Variants in GLG1 observed in about 807,000 individuals in gnomAD.
GLG1 encodes Golgi apparatus protein 1.
GLG1 carries 38 observed loss-of-function variants against 160.5 expected under a neutral mutation model. The observed-to-expected ratio is 0.24, with a 90% CI of 0.18 to 0.31. The LOEUF (loss-of-function observed/expected upper bound fraction) is 0.31, where lower values mean the gene tolerates loss of function less well. GLG1 is among the 10% of genes least tolerant of loss of function. The pLI is 1.00. For synonymous variants in GLG1, 644 were observed against 543.4 expected, an observed-to-expected ratio of 1.19 and a Z score of -2.57; for missense variants, 1,373 against 1,505.2, an observed-to-expected ratio of 0.91 and a Z score of 1.45.
intron 1 of GLG1, among the ~76,000 whole-genome samples, chr16:74,567,773 T>C (rs1431113411): frequency 6.6e-6 from 1 of 151,496 alleles, no homozygotes; most frequent in East Asian, 1.9e-4. Context: ...TTTCACCTTG[T>C]TAGCCAGGAT....
intron 7 of GLG1, among the ~76,000 whole-genome samples, chr16:74,491,636 C>CTTT (rs57935114): frequency 1.7e-4 from 15 of 87,414 alleles, no homozygotes; most frequent in African/African-American, 5.6e-4. Context: ...ATGGGGAAAA[C>CTTT]TTTTTTTTTT....
chr16:74,508,700 C>T, intron 3 of GLG1, 139 bp downstream of exon 3: 1 of 578,288 alleles, frequency 1.7e-6, no homozygotes, highest in South Asian at 2.3e-5. Flanking sequence ...ATTACACCCC[C>T]CAACTTCCTA....
chr16:74,527,039 CA>C (rs2017357141), intron 2 of GLG1, among the ~76,000 whole-genome samples: 1 of 152,204 alleles, frequency 6.6e-6, no homozygotes, highest in African/African-American at 2.4e-5. Context: ...TTATGTGAAA[CA>C]AATCTGTATC....
chr16:74,566,297 A>G (rs2018653178), intron 1 of GLG1, among the ~76,000 whole-genome samples: 1 of 152,182 alleles, frequency 6.6e-6, no homozygotes, highest in Non-Finnish European at 1.5e-5. Flanking sequence ...AAGTATCTAC[A>G]TAAATTATTT....
At position 74,453,225 on chromosome 16, in the gene GLG1, A is replaced by G. The variant is rs1239232550; in HGVS notation, c.3482T>C (p.Ile1161Thr). 1 of 1,614,084 alleles carries G rather than the reference A, an allele frequency of 6.2e-7. No homozygotes were observed. Reference sequence around the variant, plus strand: ...GGTGATCCGTCCACACATCAGGCCAATCAGGAACAATATACAGATGCTCCC... The same window carrying G: ...GGTGATCCGTCCACACATCAGGCCAGTCAGGAACAATATACAGATGCTCCC... Reference protein sequence around the residue: ...ISGSICILFLIGLMCGRITKR... With the variant: ...ISGSICILFLTGLMCGRITKR... The change falls in exon 26 of 26, where the codon ATT (isoleucine) becomes ACT (threonine). Residue 1161 changes from isoleucine to threonine, a missense_variant. Around this residue, in one of 4 missense-constraint regions of GLG1, gnomAD observed 491 missense variants for 632.1 expected, o/e 0.78. Coordinates refer to ENST00000422840, the MANE Select transcript of GLG1 (RefSeq NM_001145667.2).
intron 1 of GLG1, among the ~76,000 whole-genome samples, chr16:74,538,251 C>T (rs2017739217): frequency 6.7e-6 from 1 of 150,228 alleles, no homozygotes; most frequent in South Asian, 2.2e-4. Context: ...CACGCGATAA[C>T]CTAATGCCTC....
Position 74,606,871 on chromosome 16 carries a change from T to TGCTGCTGAA in GLG1, c.215_223dup (p.Leu72_Gln74dup). 1 of 1,600,686 alleles carries TGCTGCTGAA rather than the reference T, an allele frequency of 6.2e-7. No homozygotes were observed. The highest frequency in any genetic ancestry group is 8.5e-7 in the Non-Finnish European group (1 of 1,174,854). ...CTGTTGCTGTTGCTGCTGCTGCTGT[T>TGCTGCTGAA]GCTGCTGAAGCTGCGATGACTGAGG... On this transcript the variant is annotated inframe_insertion, in exon 1 of 26. Transcript: ENST00000422840.
chr16:74,468,836 T>A lies in GLG1; in HGVS notation c.2436+110A>T. ...AAACTTTTGCACAGGACTTCAAGTC[T>A]TAACCATCACAGTAGTGGATAAAAT... On this transcript the variant is annotated intron_variant, in intron 17 of 25. Transcript: ENST00000422840. The A allele has an allele frequency of 5.6e-6, 4 of 711,708 alleles. No individual in the cohort carries two copies. The South Asian group carries it at 6.3e-5, about 11-fold the overall frequency. 44.1% of individuals were successfully genotyped at this position (711,708 alleles called of 1,614,324 possible).
chr16:74,555,543 G>A (rs1286764826), intron 1 of GLG1, among the ~76,000 whole-genome samples: 1 of 151,822 alleles, frequency 6.6e-6, no homozygotes, highest in Non-Finnish European at 1.5e-5. Flanking sequence ...TTAAAAGATT[G>A]GCCAGGTGTG....
chr16:74,456,618 T>G (rs1267909161), intron 25 of GLG1, 31 bp downstream of exon 25: 1 of 1,427,944 alleles, frequency 7.0e-7, no homozygotes, highest in East Asian at 2.3e-5. Flanking sequence ...TTTTTTGTTT[T>G]TTTAAAAAAG....
intron 2 of GLG1, among the ~76,000 whole-genome samples, chr16:74,524,724 T>C (rs1163689891): frequency 6.6e-6 from 1 of 152,246 alleles, no homozygotes; most frequent in South Asian, 2.1e-4. Context: ...GGGCTGGTTA[T>C]ACTACTCTGT....
At chr16:74,601,237 A>T (rs995078669) in intron 1 of GLG1, among the ~76,000 whole-genome samples, 2 of 152,132 alleles carry the variant, frequency 1.3e-5, no homozygotes, top group African/African-American at 4.8e-5. Flanking sequence ...ATACCCAGAG[A>T]ATATATACAG....
chr16:74,565,864 T>C (rs933457691), intron 1 of GLG1, among the ~76,000 whole-genome samples: 4 of 152,192 alleles, frequency 2.6e-5, no homozygotes, highest in Admixed American at 6.5e-5. Context: ...TGGTTTAGGT[T>C]TGGTTTTGCT....
intron 19 of GLG1, among the ~76,000 whole-genome samples, chr16:74,464,353 G>A (rs2014921374): frequency 6.6e-6 from 1 of 152,174 alleles, no homozygotes; most frequent in Non-Finnish European, 1.5e-5. Context: ...GGACCCACTT[G>A]GTTCATCTTA....
intron 13 of GLG1, chr16:74,474,282 G>A: frequency 2.9e-6 from 1 of 344,370 alleles, no homozygotes; most frequent in Non-Finnish European, 5.4e-6. Flanking sequence ...GAGAAACAGA[G>A]GCAAGTCTAA....
chr16:74,491,115 C>G lies in GLG1; in HGVS notation c.1335G>C (p.Arg445=). The G allele has an allele frequency of 1.2e-6, 2 of 1,614,094 alleles. No individual in the cohort carries two copies. Among genetic ancestry groups the G allele is most frequent in the Non-Finnish European group, 1.7e-6 (2 of 1,179,950 alleles). The change falls in exon 8 of 26, where the codon CGG becomes CGC. Residue 445 remains arginine (R), a synonymous_variant. Coordinates refer to ENST00000422840, the MANE Select transcript of GLG1 (RefSeq NM_001145667.2). Reference sequence around the variant, plus strand: ...CGGAACAATGGTGTTCAATCTCCCCCCGACAGCTTAGGATGATCTCAGGGC... The same window carrying G: ...CGGAACAATGGTGTTCAATCTCCCCGCGACAGCTTAGGATGATCTCAGGGC... ...SLSPEIILSC[R]GEIEHHCSGL...
At chr16:74,562,808 A>T (rs532884815) in intron 1 of GLG1, among the ~76,000 whole-genome samples, 1 of 152,210 alleles carries the variant, frequency 6.6e-6, no homozygotes, top group Non-Finnish European at 1.5e-5. Context: ...CCCACTGAGG[A>T]CATTCAAATC....
At chr16:74,606,636 G>T (rs1201086862) in intron 1 of GLG1, 21 bp downstream of exon 1, 2 of 1,534,538 alleles carry the variant, frequency 1.3e-6, no homozygotes, top group Non-Finnish European at 1.8e-6. Flanking sequence ...TGGCCCTCCC[G>T]GCTTCGTCCC....
rs1380492510 is a variant in GLG1 at position 74,561,747 on chromosome 16, T to C, written c.439-29594A>G. Among the ~76,000 whole-genome samples the C allele has an allele frequency of 2.0e-5, 3 of 152,172 alleles. No individual in the cohort carries two copies. The East Asian group carries it at 5.8e-4, about 29-fold the overall frequency. ...AAATTGGTATTTAACAGGCTATAAA[T>C]GCAATGTTAAGCATGGAATCACAGA... On this transcript the variant is annotated intron_variant, in intron 1 of 25. Transcript: ENST00000422840.
Sources: allele counts gnomAD v4.1 joint callset (sites outside exome capture counted in the v4.1 genomes callset), GRCh38; gene constraint gnomAD v4.1.1; regional missense constraint gnomAD v4.1.1; transcripts MANE v1.5; gene names NCBI Gene and HGNC (gene_info 2026-07-23, HGNC 2026-07-21).